Variants in STRN4 observed in about 807,000 individuals in gnomAD.
The protein encoded by STRN4 is striatin-4.
In STRN4, 27 loss-of-function variants were observed where a neutral mutation model predicts 77.9. That is an observed-to-expected ratio of 0.35 (90% CI 0.26 to 0.48). The LOEUF is 0.48. STRN4 is among the 20% of genes least tolerant of loss of function. The pLI, the probability that STRN4 is intolerant of heterozygous loss-of-function variation, is 0.99. For synonymous variants in STRN4, 466 were observed against 443.1 expected (o/e 1.05, Z -0.65); for missense variants, 798 against 1,049.7 (o/e 0.76, Z 3.31).
At chr19:46,744,192 T>C (rs1204987280) in intron 1 of STRN4, among the ~76,000 whole-genome samples, 1 of 152,190 alleles carries the variant, frequency 6.6e-6, no homozygotes, top group African/African-American at 2.4e-5. Flanking sequence ...GTAATGACAC[T>C]GCCTCTGCCT....
intron 1 of STRN4, among the ~76,000 whole-genome samples, chr19:46,744,287 G>C (rs1291203259): frequency 1.3e-5 from 2 of 152,212 alleles, no homozygotes; most frequent in African/African-American, 4.8e-5. Context: ...AGTGAGAGCA[G>C]TTACATAAGG....
rs1212370731 is a variant in STRN4 at position 46,746,009 on chromosome 19, G to C, written c.282+140C>G. 14 of 1,084,100 alleles carry C rather than the reference G, an allele frequency of 1.3e-5. No individual in the cohort carries two copies. In the Admixed American group the frequency reaches 1.4e-4, roughly 11 times the overall value. 67.2% of individuals were successfully genotyped at this position (1,084,100 alleles called of 1,614,324 possible). A position where few individuals can be genotyped will look rare whatever the true frequency, so the allele number is the denominator to read the frequency against. ...TCGGACGGCCCCTCACTCGCCCTCC[G>C]GGACCGTCGCGGTCCCCTCCCGCCC... On this transcript the variant is annotated intron_variant, in intron 1 of 17. Coordinates refer to ENST00000263280, the MANE Select transcript of STRN4 (RefSeq NM_013403.3).
Position 46,741,206 on chromosome 19 carries a change from A to G in STRN4, c.283-2318T>C, listed in dbSNP as rs1030706594. Among the ~76,000 whole-genome samples the G allele has an allele frequency of 2.0e-5, 3 of 152,198 alleles. No individual in the cohort carries two copies. The highest frequency in any genetic ancestry group is 4.4e-5 in the Non-Finnish European group (3 of 68,034). ...AGATGAGGGCAGTCCCAGAAATCCC[A>G]GGACAGAACGGTAGTGGCTTGGACT... On this transcript the variant is annotated intron_variant, in intron 1 of 17. Coordinates refer to ENST00000263280, the MANE Select transcript of STRN4 (RefSeq NM_013403.3). This position sits in a 1 kb window ranked among gnomAD's most constrained non-coding sequence, Gnocchi z 4.9.
rs1293680571 is a variant in STRN4 at position 46,730,748 on chromosome 19, T to C, written c.863A>G (p.Lys288Arg). The change falls in exon 6 of 18, where the codon AAG (lysine) becomes AGG (arginine). Residue 288 changes from lysine (K) to arginine (R), a missense_variant. This residue lies in a region of STRN4 where 511 missense variants were observed against 575.9 expected (regional missense o/e 0.89). Coordinates refer to ENST00000263280, the MANE Select transcript of STRN4 (RefSeq NM_013403.3). ...EDDELDSVQH[K>R]KQRVKLPSKA... ...AGGGCTCACCTTCACACGCTGCTTC[T>C]TGTGCTGCACGCTGTCCAGCTCATC... The C allele has an allele frequency of 6.2e-7, 1 of 1,612,508 alleles. No homozygotes were observed. Among genetic ancestry groups the C allele is most frequent in the African/African-American group, 1.3e-5 (1 of 75,042 alleles).
chr19:46,727,592 G>C, intron 8 of STRN4, 46 bp from the exon 9 acceptor site: 1 of 1,501,332 alleles, frequency 6.7e-7, no homozygotes, highest in Non-Finnish European at 9.3e-7. Context: ...GGAGGGAGGG[G>C]CAGAGAGGGC....
chr19:46,730,170 C>T (rs376798963), intron 6 of STRN4, among the ~76,000 whole-genome samples: 2 of 152,238 alleles, frequency 1.3e-5, no homozygotes, highest in Admixed American at 6.5e-5. Context: ...TGCTCTTCCT[C>T]TAGGCCTCCT....
Position 46,720,728 on chromosome 19 carries a change from C to T in STRN4, c.2136G>A (p.Thr712=), listed in dbSNP as rs573761424. ...GGTGGGCCGTGATCTCCTGCACGCA[C>T]GTTTTGTTGTCCAGGCTCCAGAGAC... ...SLRLWSLDNK[T]CVQEITAHRK... is the part of the protein sequence containing the mutation. Residue 712 remains threonine, a synonymous_variant, in exon 17 of 18, where the codon ACG becomes ACA. Coordinates refer to ENST00000263280, the MANE Select transcript of STRN4 (RefSeq NM_013403.3). 5.0e-6 allele frequency: 8 copies of T among 1,607,208 alleles called. No homozygotes were observed. Among genetic ancestry groups the T allele is most frequent in the Admixed American group, 3.4e-5 (2 of 59,354 alleles).
At chr19:46,734,582 T>C (rs993325206) in intron 4 of STRN4, among the ~76,000 whole-genome samples, 1 of 152,196 alleles carries the variant, frequency 6.6e-6, no homozygotes, top group Non-Finnish European at 1.5e-5. Context: ...TGGGTTTTTT[T>C]CCTCCATAGG....
Position 46,723,338 on chromosome 19 carries a change from T to C in STRN4, c.1595-54A>G. On this transcript the variant is annotated intron_variant, in intron 12 of 17. Coordinates refer to ENST00000263280, the MANE Select transcript of STRN4 (RefSeq NM_013403.3). This position sits in a 1 kb window ranked among gnomAD's most constrained non-coding sequence, Gnocchi z 5.5. ...TGTGTCAGGGCTGCCAGCTCCTCCC[T>C]GGACAGCCCAGAGCCCCAGCTCTGC... 1 of 1,499,072 alleles carries C rather than the reference T, an allele frequency of 6.7e-7. No homozygotes were observed. Among genetic ancestry groups the C allele is most frequent in the Non-Finnish European group, 8.9e-7 (1 of 1,123,788 alleles). The allele number at this position is 1,499,072 out of a possible 1,614,324, so 92.9% of individuals were successfully genotyped here. A position where few individuals can be genotyped will look rare whatever the true frequency, so the allele number is the denominator to read the frequency against.
At position 46,738,272 on chromosome 19, in the gene STRN4, G is replaced by A. The variant is rs550603323; in HGVS notation, c.387-35C>T. Reference sequence around the variant, plus strand: ...CAAATGATTAATGAATAAGAGATGCGGGAGAGTAGACAGGGTCAGTAGTTA... The same window carrying A: ...CAAATGATTAATGAATAAGAGATGCAGGAGAGTAGACAGGGTCAGTAGTTA... On this transcript the variant is annotated intron_variant, in intron 2 of 17. Coordinates refer to ENST00000263280, the MANE Select transcript of STRN4 (RefSeq NM_013403.3). The surrounding 1 kb of genome is among the most constrained non-coding windows in gnomAD (Gnocchi z 4.5). The A allele has an allele frequency of 1.6e-4, 247 of 1,587,298 alleles. 1 individual carries two copies. The highest frequency in any genetic ancestry group is 6.2e-5 in the Non-Finnish European group (72 of 1,155,802).
rs748364500 is a variant in STRN4, at chr19:46,746,249, T to A, written c.182A>T (p.Glu61Val). Residue 61 changes from glutamate (E) to valine (V), a missense_variant, in exon 1 of 18, where the codon GAG (glutamate) becomes GTG (valine). Glu to Val is a moderately radical substitution (Grantham distance 121). This residue lies in a region of STRN4 where 511 missense variants were observed against 575.9 expected (regional missense o/e 0.89). Coordinates refer to ENST00000263280, the MANE Select transcript of STRN4 (RefSeq NM_013403.3). ...CAGGATCCCCGGCAGGCTCAGGGGCTCCGGGCCCGCCGTGGGCCCGGGGCT... is the reference window on the plus strand; with the variant it reads ...CAGGATCCCCGGCAGGCTCAGGGGCACCGGGCCCGCCGTGGGCCCGGGGCT... ...GGSPGPTAGPEPLSLPGILHF... is the reference protein window; with the variant it reads ...GGSPGPTAGPVPLSLPGILHF... The A allele has an allele frequency of 1.3e-6, 2 of 1,494,692 alleles. No homozygotes were observed. The highest frequency in any genetic ancestry group is 2.5e-5 in the South Asian group (2 of 80,980). 92.6% of individuals were successfully genotyped at this position (1,494,692 alleles called of 1,614,324 possible). A position where few individuals can be genotyped will look rare whatever the true frequency, so the allele number is the denominator to read the frequency against.
At position 46,728,770 on chromosome 19, in the gene STRN4, G is replaced by A; in HGVS notation, c.887C>T (p.Ser296Phe). The A allele has an allele frequency of 6.2e-7, 1 of 1,614,090 alleles. No individual in the cohort carries two copies. Among genetic ancestry groups the A allele is most frequent in the East Asian group, 2.2e-5 (1 of 44,882 alleles). ...QHKKQRVKLP[S>F]KALVPEMEDE... ...TTCCATTTCGGGCACCAGAGCCTTG[G>A]ATGGGAGCTGGCACATGGAGAAAGC... Residue 296 changes from serine (S) to phenylalanine (F), a missense_variant, in exon 7 of 18, where the codon TCC becomes TTC. Physicochemically the swap from Ser to Phe is radical, Grantham distance 155. Transcript: ENST00000263280.
chr19:46,723,194 C>A lies in STRN4; in HGVS notation c.1685G>T (p.Cys562Phe). ...FSPTSQRLAS[C>F]SADGTVRIWD... is the part of the protein sequence containing the mutation. ...GATGCGGACGGTGCCATCAGCAGAA[C>A]AGGAGGCCAGGCGCTGGGAGGTGGG... The change falls in exon 13 of 18, where the codon TGT becomes TTT. Residue 562 changes from cysteine (C) to phenylalanine (F), a missense_variant. Transcript: ENST00000263280. The surrounding 1 kb of genome is among the most constrained non-coding windows in gnomAD (Gnocchi z 5.5). 6.4e-7 allele frequency: 1 copy of A among 1,557,436 alleles called. No individual in the cohort carries two copies. Among genetic ancestry groups the A allele is most frequent in the South Asian group, 1.2e-5 (1 of 84,640 alleles).
chr19:46,731,014 C>T, intron 5 of STRN4, 141 bp from the exon 6 acceptor site: 1 of 1,165,208 alleles, frequency 8.6e-7, no homozygotes, highest in Non-Finnish European at 1.2e-6. Context: ...ACTCTGGTCA[C>T]ACACAGAGCC....
In STRN4 at chr19:46,723,027, G is replaced by A. The variant is rs2054017707; in HGVS notation, c.1766-77C>T. On this transcript the variant is annotated intron_variant, in intron 13 of 17. Transcript: ENST00000263280. This position sits in a 1 kb window ranked among gnomAD's most constrained non-coding sequence, Gnocchi z 5.5. The stretch of plus-strand genomic sequence containing the variant: ...TGCCCCAGGGTGGGGGACAGTGGGT[G>A]GGAGGCCTGGGGCCTCAGCAGGAAC... 1 of 1,593,668 alleles carries A rather than the reference G, an allele frequency of 6.3e-7. No homozygotes were observed. The highest frequency in any genetic ancestry group is 8.6e-7 in the Non-Finnish European group (1 of 1,168,584).
chr19:46,730,480 G>C (rs1427064640), intron 6 of STRN4, among the ~76,000 whole-genome samples: 1 of 152,190 alleles, frequency 6.6e-6, no homozygotes, highest in African/African-American at 2.4e-5. Context: ...CTCAGGGAAA[G>C]CTCCGAGGCC....
At chr19:46,725,831 C>T in intron 9 of STRN4, 183 bp from the exon 10 acceptor site, 1 of 727,242 alleles carries the variant, frequency 1.4e-6, no homozygotes. Context: ...TCCATGCTCG[C>T]CCAACAAGTC....
At chr19:46,728,471 C>T in intron 7 of STRN4, 147 bp downstream of exon 7, 1 of 1,145,990 alleles carries the variant, frequency 8.7e-7, no homozygotes, top group Non-Finnish European at 1.2e-6. Context: ...ACCTGGGCCT[C>T]CTGCTCTCCT....
In STRN4 at chr19:46,727,963, C is replaced by T. The variant is rs749261095; in HGVS notation, c.1084G>A (p.Asp362Asn). The T allele has an allele frequency of 5.0e-6, 8 of 1,613,810 alleles. No homozygotes were observed. In the African/African-American group the frequency reaches 8.0e-5, roughly 16 times the overall value. The change falls in exon 8 of 18, where the codon GAT becomes AAT. Residue 362 changes from aspartate (D) to asparagine (N), a missense_variant. Physicochemically the swap from Asp to Asn is conservative, Grantham distance 23 (BLOSUM62 1). This residue lies in a region of STRN4 where 511 missense variants were observed against 575.9 expected (regional missense o/e 0.89). Coordinates refer to ENST00000263280, the MANE Select transcript of STRN4 (RefSeq NM_013403.3). ...ACTTTTGGGGGCAGCCCATCCACAT[C>T]CCGCAGGTCAGCCAGAATGCCTTGG... ...KLQGILADLR[D>N]VDGLPPKVTG... is the part of the protein sequence containing the mutation.
Sources: allele counts gnomAD v4.1 joint callset (sites outside exome capture counted in the v4.1 genomes callset), GRCh38; gene constraint gnomAD v4.1.1; regional missense constraint gnomAD v4.1.1; non-coding constraint Gnocchi (gnomAD v3.1); transcripts MANE v1.5; gene names NCBI Gene and HGNC (gene_info 2026-07-23, HGNC 2026-07-21).